Variants in NBEA observed in about 807,000 individuals in gnomAD.
NBEA encodes the protein lysosomal-trafficking regulator 2.
A neutral mutation model predicts 343.4 loss-of-function variants in NBEA; 44 were observed. The ratio of observed to expected loss-of-function variants is 0.13; its 90% CI spans 0.10 to 0.16. The LOEUF (loss-of-function observed/expected upper bound fraction) is 0.16, where lower values mean the gene tolerates loss of function less well. NBEA is among the 10% of genes least tolerant of loss of function. The pLI, the probability that NBEA is intolerant of heterozygous loss-of-function variation, is 1.00. For missense variants in NBEA, 2,555 were observed against 3,631.3 expected, an observed-to-expected ratio of 0.70 and a Z score of 7.62; for synonymous variants, 1,175 against 1,238.7, an observed-to-expected ratio of 0.95 and a Z score of 1.08.
intron 34 of NBEA, among the ~76,000 whole-genome samples, chr13:35,278,544 A>G (rs1455076055): frequency 1.3e-5 from 2 of 152,246 alleles, no homozygotes; most frequent in African/African-American, 4.8e-5. Context: ...TGCTACCGCC[A>G]AATACTGCCT....
chr13:35,300,191 G>A (rs920055026), intron 35 of NBEA, among the ~76,000 whole-genome samples: 1 of 152,086 alleles, frequency 6.6e-6, no homozygotes, highest in Non-Finnish European at 1.5e-5. Context: ...GGGCATAGTG[G>A]TGCACGCCTG....
At chr13:35,576,481 T>C (rs2080747158) in intron 45 of NBEA, among the ~76,000 whole-genome samples, 1 of 152,186 alleles carries the variant, frequency 6.6e-6, no homozygotes, top group Non-Finnish European at 1.5e-5. Context: ...AAAGTTACTA[T>C]AGTTAATTTA....
chr13:35,288,302 T>A (rs1397570876), intron 34 of NBEA, among the ~76,000 whole-genome samples: 1 of 151,882 alleles, frequency 6.6e-6, no homozygotes, highest in African/African-American at 2.4e-5. Flanking sequence ...TTTTTGAAGA[T>A]AGATAGGTCT....
At chr13:35,312,478 A>G (rs1161696998) in intron 36 of NBEA, among the ~76,000 whole-genome samples, 1 of 152,224 alleles carries the variant, frequency 6.6e-6, no homozygotes, top group Non-Finnish European at 1.5e-5. Flanking sequence ...TGCATGTTGT[A>G]TGCCAGCCAC....
intron 38 of NBEA, among the ~76,000 whole-genome samples, chr13:35,377,809 G>A (rs564313289): frequency 6.6e-6 from 1 of 152,198 alleles, no homozygotes; most frequent in African/African-American, 2.4e-5. Context: ...TGTGACCCCT[G>A]TTATCCCTGT....
intron 11 of NBEA, among the ~76,000 whole-genome samples, chr13:35,099,229 T>C (rs375995947): frequency 1.1e-4 from 16 of 145,436 alleles, no homozygotes; most frequent in African/African-American, 2.8e-4. Flanking sequence ...GATGGAGTCT[T>C]GCTTTGTCAC....
chr13:35,532,838 A>C (rs2078332600), intron 41 of NBEA, among the ~76,000 whole-genome samples: 1 of 152,166 alleles, frequency 6.6e-6, no homozygotes, highest in Non-Finnish European at 1.5e-5. Flanking sequence ...AAGTTGCATT[A>C]AAAGATCTCA....
chr13:35,630,332 T>C (rs1174795517), intron 49 of NBEA, among the ~76,000 whole-genome samples: 2 of 152,212 alleles, frequency 1.3e-5, no homozygotes, highest in Non-Finnish European at 2.9e-5. Context: ...TGTATAAGGC[T>C]TTGTTAATGT....
intron 33 of NBEA, among the ~76,000 whole-genome samples, chr13:35,231,035 T>A (rs796232723): frequency 2.4e-4 from 36 of 152,174 alleles, no homozygotes; most frequent in African/African-American, 7.9e-4. Flanking sequence ...ATCTCTTAAT[T>A]TCAGTAAGTC....
chr13:35,420,167 A>C (rs1446406934), intron 38 of NBEA, among the ~76,000 whole-genome samples: 1 of 152,030 alleles, frequency 6.6e-6, no homozygotes, highest in Non-Finnish European at 1.5e-5. Flanking sequence ...CTGTTGAGTA[A>C]GAGTGGTAAC....
chr13:35,065,102 G>T (rs2063603184), intron 8 of NBEA, among the ~76,000 whole-genome samples: 1 of 151,400 alleles, frequency 6.6e-6, no homozygotes, highest in African/African-American at 2.4e-5. Flanking sequence ...ATGTGTTTCG[G>T]CTGTGTTTTA....
At chr13:35,577,216 G>T (rs2080784871) in intron 45 of NBEA, among the ~76,000 whole-genome samples, 1 of 152,164 alleles carries the variant, frequency 6.6e-6, no homozygotes, top group African/African-American at 2.4e-5. Flanking sequence ...CATTTCTGCT[G>T]CAGTCATAGT....
intron 1 of NBEA, among the ~76,000 whole-genome samples, chr13:34,996,363 C>T (rs1352856256): frequency 6.6e-6 from 1 of 151,916 alleles, no homozygotes; most frequent in Non-Finnish European, 1.5e-5. Context: ...ATACTTGCCA[C>T]CTTATATAGA....
Position 35,102,538 on chromosome 13 carries a change from A to G in NBEA, c.1680+4133A>G, listed in dbSNP as rs192553589. Among the ~76,000 whole-genome samples, 4 of 151,612 alleles carry G rather than the reference A, an allele frequency of 2.6e-5. No homozygotes were observed. The East Asian group carries it at 7.7e-4, about 29-fold the overall frequency. Reference sequence around the variant, plus strand: ...ACTTGGTATATTCTTTTACTAATTGAGATTTTCTTTTGTACTTTTCTGTAT... The same window carrying G: ...ACTTGGTATATTCTTTTACTAATTGGGATTTTCTTTTGTACTTTTCTGTAT... On this transcript the variant is annotated intron_variant, in intron 11 of 58. Transcript: ENST00000379939.
chr13:35,000,272 G>T (rs1221878622), intron 1 of NBEA, among the ~76,000 whole-genome samples: 1 of 152,052 alleles, frequency 6.6e-6, no homozygotes, highest in East Asian at 1.9e-4. Flanking sequence ...GATGCACAAA[G>T]AAAGCAGTAA....
chr13:35,275,221 A>C (rs2152807124), intron 34 of NBEA, among the ~76,000 whole-genome samples: 1 of 152,304 alleles, frequency 6.6e-6, no homozygotes, highest in Admixed American at 6.5e-5. Context: ...CAACCATCTG[A>C]TCTTTGACAA....
At chr13:35,277,495 C>T (rs1360015180) in intron 34 of NBEA, among the ~76,000 whole-genome samples, 1 of 151,690 alleles carries the variant, frequency 6.6e-6, no homozygotes, top group African/African-American at 2.4e-5. Context: ...GTGTCACATG[C>T]CTGTAATCCC....
At chr13:35,575,886 CT>C (rs1363464560) in intron 45 of NBEA, among the ~76,000 whole-genome samples, 2 of 151,872 alleles carry the variant, frequency 1.3e-5, no homozygotes, top group Admixed American at 6.6e-5. Flanking sequence ...ACACCCCCAC[CT>C]TTTTTTTCAT....
chr13:35,591,431 T>C (rs1240818938), intron 46 of NBEA, among the ~76,000 whole-genome samples: 1 of 152,140 alleles, frequency 6.6e-6, no homozygotes, highest in Non-Finnish European at 1.5e-5. Context: ...AATTTTTTTC[T>C]AACTTAATTT....
Sources: gnomAD v4.1 joint callset for allele counts (sites outside exome capture counted in the v4.1 genomes callset) on GRCh38, gnomAD v4.1.1 for gene constraint, MANE v1.5 for transcripts, NCBI Gene and HGNC (gene_info 2026-07-23, HGNC 2026-07-21) for gene names.